Variants in ASAP2 observed in about 807,000 individuals in gnomAD.
The protein encoded by ASAP2 is arf-GAP with SH3 domain, ANK repeat and PH domain-containing protein 2.
A neutral mutation model predicts 131.4 loss-of-function variants in ASAP2; 45 were observed. The ratio of observed to expected loss-of-function variants is 0.34; its 90% CI spans 0.27 to 0.44. ASAP2 has a LOEUF of 0.44. Ranked by LOEUF, ASAP2 falls within the 20% of genes least tolerant of loss-of-function variation. The probability of loss-of-function intolerance (pLI) is 1.00; values close to 1 mark genes in which losing one functional copy is unlikely to be tolerated. For synonymous variants in ASAP2, 510 were observed against 503.0 expected (o/e 1.01, Z -0.19); for missense variants, 1,011 against 1,297.0 (o/e 0.78, Z 3.39).
At chr2:9,395,909 T>G (rs1218931522) in intron 24 of ASAP2, among the ~76,000 whole-genome samples, 1 of 152,022 alleles carries the variant, frequency 6.6e-6, no homozygotes, top group African/African-American at 2.4e-5. Flanking sequence ...GCCCAGCCCA[T>G]CCCTGAAGTT....
At chr2:9,359,717 C>T (rs1672963325) in intron 15 of ASAP2, among the ~76,000 whole-genome samples, 1 of 152,214 alleles carries the variant, frequency 6.6e-6, no homozygotes, top group Non-Finnish European at 1.5e-5. Context: ...GACCATGTTC[C>T]TCTCAAGGGG....
chr2:9,261,847 C>G (rs1303349287), intron 1 of ASAP2, among the ~76,000 whole-genome samples: 1 of 152,156 alleles, frequency 6.6e-6, no homozygotes, highest in East Asian at 1.9e-4. Context: ...ACCCCGGTGG[C>G]CACTCCTACT....
At chr2:9,327,482 G>A (rs890841087) in intron 6 of ASAP2, among the ~76,000 whole-genome samples, 2 of 152,106 alleles carry the variant, frequency 1.3e-5, no homozygotes, top group African/African-American at 4.8e-5. Context: ...AAGGGACCTT[G>A]GGCAGGAGTG....
At chr2:9,357,205 G>T (rs1477573005) in intron 14 of ASAP2, among the ~76,000 whole-genome samples, 1 of 151,868 alleles carries the variant, frequency 6.6e-6, no homozygotes, top group Non-Finnish European at 1.5e-5. Context: ...CCGACTGGGT[G>T]CAGTGACTCA....
intron 15 of ASAP2, among the ~76,000 whole-genome samples, chr2:9,368,214 A>G (rs541654713): frequency 2.6e-5 from 4 of 152,180 alleles, no homozygotes; most frequent in Non-Finnish European, 5.9e-5. Flanking sequence ...TTTTATGACA[A>G]TGCGTCTCTG....
chr2:9,297,124 C>T (rs1336168104), intron 2 of ASAP2, among the ~76,000 whole-genome samples, 176 bp from the exon 3 acceptor site: 1 of 152,086 alleles, frequency 6.6e-6, no homozygotes, highest in African/African-American at 2.4e-5. Flanking sequence ...GATCTGTTGC[C>T]GGCACCACGG....
intron 2 of ASAP2, among the ~76,000 whole-genome samples, chr2:9,287,015 G>A (rs115705572): frequency 0.013 from 2,023 of 152,328 alleles, 49 homozygotes; most frequent in African/African-American, 0.047. Flanking sequence ...CTTGTGAGTT[G>A]GGTCCTGTCC....
chr2:9,385,779 G>C (rs1446456930), intron 21 of ASAP2, among the ~76,000 whole-genome samples: 1 of 152,198 alleles, frequency 6.6e-6, no homozygotes, highest in Non-Finnish European at 1.5e-5. Flanking sequence ...AGAGCTCACT[G>C]GGTCCAACCC....
intron 12 of ASAP2, among the ~76,000 whole-genome samples, 179 bp from the exon 13 acceptor site, chr2:9,355,868 C>T (rs932019347): frequency 3.9e-5 from 6 of 152,126 alleles, no homozygotes; most frequent in African/African-American, 1.4e-4. Context: ...CATTAGAATG[C>T]CACCGTTGGT....
chr2:9,393,300 A>G (rs1477502412), intron 23 of ASAP2, among the ~76,000 whole-genome samples, 182 bp from the exon 24 acceptor site: 3 of 152,232 alleles, frequency 2.0e-5, no homozygotes, highest in Non-Finnish European at 2.9e-5. Flanking sequence ...TAGTTTGGAA[A>G]GGACTCCCTG....
intron 2 of ASAP2, among the ~76,000 whole-genome samples, chr2:9,294,246 G>C (rs919978398): frequency 3.3e-5 from 5 of 152,206 alleles, no homozygotes; most frequent in African/African-American, 1.2e-4. Context: ...TGATGCACCT[G>C]TCTCGGCCTC....
At chr2:9,364,815 CG>C (rs1295797618) in intron 15 of ASAP2, among the ~76,000 whole-genome samples, 2 of 152,122 alleles carry the variant, frequency 1.3e-5, no homozygotes, top group African/African-American at 4.8e-5. Flanking sequence ...TGGTCATTTA[CG>C]GAGGAACTGT....
At chr2:9,318,418 G>A (rs942751581) in intron 3 of ASAP2, 106 bp from the exon 4 acceptor site, 3 of 799,744 alleles carry the variant, frequency 3.8e-6, no homozygotes, top group Admixed American at 2.1e-5. Flanking sequence ...CCAGGTTTTA[G>A]GTGGAGGTGA....
chr2:9,238,618 GA>G (rs1284096613), intron 1 of ASAP2, among the ~76,000 whole-genome samples: 6 of 152,348 alleles, frequency 3.9e-5, no homozygotes, highest in Non-Finnish European at 5.9e-5. Flanking sequence ...TTTGCATGGG[GA>G]GGAGAGGCTG....
chr2:9,248,854 G>A (rs1487973948), intron 1 of ASAP2, among the ~76,000 whole-genome samples: 2 of 152,160 alleles, frequency 1.3e-5, no homozygotes, highest in African/African-American at 4.8e-5. Context: ...TGTCGACTCT[G>A]ATGTGAGCTC....
At chr2:9,229,910 T>C (rs1235367140) in intron 1 of ASAP2, among the ~76,000 whole-genome samples, 1 of 152,130 alleles carries the variant, frequency 6.6e-6, no homozygotes, top group Non-Finnish European at 1.5e-5. Flanking sequence ...GTGATGCTGA[T>C]TTCTGCAGCC....
chr2:9,329,493 A>T (rs6741052), intron 7 of ASAP2, among the ~76,000 whole-genome samples: 4 of 152,306 alleles, frequency 2.6e-5, no homozygotes, highest in African/African-American at 9.6e-5. Flanking sequence ...AAAAGGCAAA[A>T]CAGTGATGGG....
chr2:9,331,525 T>C (rs1458562141), intron 7 of ASAP2, among the ~76,000 whole-genome samples: 2 of 152,150 alleles, frequency 1.3e-5, no homozygotes, highest in Non-Finnish European at 2.9e-5. Context: ...CCCAGCACTT[T>C]GGGAGGCCAA....
At chr2:9,279,200 A>T in intron 1 of ASAP2, 117 bp from the exon 2 acceptor site, 1 of 936,080 alleles carries the variant, frequency 1.1e-6, no homozygotes, top group Non-Finnish European at 1.7e-6. Context: ...CTTGTCTCCC[A>T]GAAACAGGTG....
Sources: gnomAD v4.1 joint callset for allele counts (sites outside exome capture counted in the v4.1 genomes callset) on GRCh38, gnomAD v4.1.1 for gene constraint, MANE v1.5 for transcripts, NCBI Gene and HGNC (gene_info 2026-07-23, HGNC 2026-07-21) for gene names.